Variants in VTA1 observed in about 807,000 individuals in gnomAD.
VTA1 encodes the protein vacuolar protein sorting-associated protein VTA1 homolog.
In VTA1, 24 loss-of-function variants were observed where a neutral mutation model predicts 36.9. The ratio of observed to expected loss-of-function variants is 0.65; its 90% CI spans 0.47 to 0.91. VTA1 has a LOEUF of 0.91. Among genes scored for constraint, VTA1 ranks in the 40% least tolerant of loss-of-function variants. The pLI is 0.00. For synonymous variants in VTA1, 142 were observed against 130.2 expected (o/e 1.09, Z -0.62); for missense variants, 393 against 377.2 (o/e 1.04, Z -0.35).
At chr6:142,212,507 AG>A (rs2114687192) in intron 7 of VTA1, among the ~76,000 whole-genome samples, 1 of 152,118 alleles carries the variant, frequency 6.6e-6, no homozygotes, top group Admixed American at 6.5e-5. Flanking sequence ...GCCAAGAGTT[AG>A]GGGGAGAGGG....
At chr6:142,188,533 C>T (rs531579108) in intron 4 of VTA1, among the ~76,000 whole-genome samples, 190 of 152,166 alleles carry the variant, frequency 1.2e-3, no homozygotes, top group Non-Finnish European at 1.7e-3. Flanking sequence ...AAACCACGTT[C>T]GCTCTGGAAC....
chr6:142,210,774 A>G (rs2114685473), intron 7 of VTA1, among the ~76,000 whole-genome samples: 1 of 152,330 alleles, frequency 6.6e-6, no homozygotes, highest in African/African-American at 2.4e-5. Flanking sequence ...AAATAACTAA[A>G]AATAGAAGTA....
Position 142,223,376 on chromosome 6 carries a change from G to C in VTA1, c.*4733G>C, listed in dbSNP as rs1306654141. ...GAGTCTGGGTTTCCCAGATGTGCCT[G>C]TTTTATCCTTTTTATTTTAAATAAC... On this transcript the variant is annotated 3_prime_UTR_variant, in exon 8 of 8. Transcript: ENST00000367630. 1 of 152,114 alleles carries C rather than the reference G, an allele frequency of 6.6e-6. No individual in the cohort carries two copies. The highest frequency in any genetic ancestry group is 1.5e-5 in the Non-Finnish European group (1 of 68,010). 9.4% of individuals were successfully genotyped at this position (152,114 alleles called of 1,614,324 possible). A position where few individuals can be genotyped will look rare whatever the true frequency, so the allele number is the denominator to read the frequency against.
chr6:142,162,001 A>G (rs1161563357), intron 1 of VTA1, among the ~76,000 whole-genome samples: 5 of 152,216 alleles, frequency 3.3e-5, no homozygotes, highest in Non-Finnish European at 7.4e-5. Context: ...CTTCAATTAA[A>G]GATATTACCA....
rs1405731313 is a variant in VTA1 at position 142,181,237 on chromosome 6, C to T, written c.412-8189C>T. On this transcript the variant is annotated intron_variant, in intron 4 of 7. Transcript: ENST00000367630. ...CAAGCTCCGCTTCCCGGGTTCATGCCATTCTCCTGCCTCAGCCTCCTGAGT... is the reference window on the plus strand; with the variant it reads ...CAAGCTCCGCTTCCCGGGTTCATGCTATTCTCCTGCCTCAGCCTCCTGAGT... Among the ~76,000 whole-genome samples, 30 of 146,622 alleles carry T rather than the reference C, an allele frequency of 2.0e-4. 1 individual carries two copies. Among genetic ancestry groups the T allele is most frequent in the Admixed American group, 2.0e-3 (29 of 14,716 alleles).
At chr6:142,163,663 T>C (rs1338766265) in intron 1 of VTA1, among the ~76,000 whole-genome samples, 1 of 152,100 alleles carries the variant, frequency 6.6e-6, no homozygotes, top group Admixed American at 6.6e-5. Context: ...AAAGCAGTGG[T>C]TCCACGAGAT....
At chr6:142,172,879 T>C (rs1271297481) in intron 4 of VTA1, among the ~76,000 whole-genome samples, 1 of 152,070 alleles carries the variant, frequency 6.6e-6, no homozygotes, top group African/African-American at 2.4e-5. Context: ...GTTTGTATTT[T>C]TGAGTAAAGA....
intron 1 of VTA1, among the ~76,000 whole-genome samples, chr6:142,151,791 T>C (rs1346719206): frequency 6.6e-6 from 1 of 152,190 alleles, no homozygotes; most frequent in Non-Finnish European, 1.5e-5. Context: ...CCCAGCACTT[T>C]GGGAGGCTGA....
rs1238849749 is a variant in VTA1 at position 142,198,618 on chromosome 6, G to C, written c.697+3G>C. 1.2e-6 allele frequency: 2 copies of C among 1,601,592 alleles called. No homozygotes were observed. Among genetic ancestry groups the C allele is most frequent in the Non-Finnish European group, 1.7e-6 (2 of 1,172,766 alleles). On this transcript the variant is annotated splice_donor_region_variant and intron_variant, in intron 6 of 7. Coordinates refer to ENST00000367630, the MANE Select transcript of VTA1 (RefSeq NM_016485.5). The stretch of plus-strand genomic sequence containing the variant: ...AGCAGAAGTGCCTCACAGCACAGGT[G>C]GGAAACTGTAACTGAATGATTTATT...
chr6:142,149,936 T>G (rs1409877770), intron 1 of VTA1, among the ~76,000 whole-genome samples: 1 of 152,196 alleles, frequency 6.6e-6, no homozygotes, highest in Non-Finnish European at 1.5e-5. Flanking sequence ...TTAACTTCCT[T>G]GTCTCTTGAT....
At chr6:142,170,708 C>T (rs1475864713) in intron 4 of VTA1, among the ~76,000 whole-genome samples, 1 of 152,108 alleles carries the variant, frequency 6.6e-6, no homozygotes, top group East Asian at 1.9e-4. Flanking sequence ...TCTCAGCTCA[C>T]TGCAGCCTCA....
Position 142,204,318 on chromosome 6 carries a change from A to T in VTA1, c.778+253A>T, listed in dbSNP as rs543779039. ...AGTTCTTTTTTTCATGCACTACCGG[A>T]TATTGAAGAACAAACATGGAGCCAA... On this transcript the variant is annotated intron_variant, in intron 7 of 7. Coordinates refer to ENST00000367630, the MANE Select transcript of VTA1 (RefSeq NM_016485.5). 3.3e-5 allele frequency among the ~76,000 whole-genome samples: 5 copies of T among 152,262 alleles called. No homozygotes were observed. The East Asian group carries it at 9.6e-4, about 29-fold the overall frequency.
chr6:142,150,412 G>A (rs1210845001), intron 1 of VTA1, among the ~76,000 whole-genome samples: 1 of 152,156 alleles, frequency 6.6e-6, no homozygotes, highest in Non-Finnish European at 1.5e-5. Flanking sequence ...TGTGGTCAGG[G>A]TAGCAAAGTA....
At chr6:142,169,085 C>T (rs555747928) in intron 2 of VTA1, among the ~76,000 whole-genome samples, 2 of 152,008 alleles carry the variant, frequency 1.3e-5, no homozygotes, top group South Asian at 2.1e-4. Flanking sequence ...TATTATTTTA[C>T]GACATGATGA....
chr6:142,157,973 G>A (rs1163421204), intron 1 of VTA1, among the ~76,000 whole-genome samples: 1 of 146,988 alleles, frequency 6.8e-6, no homozygotes, highest in Non-Finnish European at 1.5e-5. Flanking sequence ...GTACCTTTCA[G>A]GATATTGCTG....
intron 6 of VTA1, 36 bp from the exon 7 acceptor site, chr6:142,203,949 T>TAG (rs1157167568): frequency 6.4e-7 from 1 of 1,565,900 alleles, no homozygotes; most frequent in East Asian, 2.3e-5. Context: ...AAAGGTGTAA[T>TAG]ACTTCTATGC....
rs1471429927 is a variant in VTA1 at position 142,181,094 on chromosome 6, A to AAATATATAT, written c.412-8331_412-8330insATATATATA. Among the ~76,000 whole-genome samples the AAATATATAT allele has an allele frequency of 4.0e-3, 147 of 36,438 alleles. 4 individuals are homozygous for AAATATATAT. Among genetic ancestry groups the AAATATATAT allele is most frequent in the Non-Finnish European group, 5.2e-3 (90 of 17,188 alleles). The allele number at this position is 36,438 out of a possible 152,430, so 23.9% of individuals were successfully genotyped here. ...AATGGTACAGAAAAAAAAAAAAAAA[A>AAATATATAT]ATATATATATATATATATATATACA... On this transcript the variant is annotated intron_variant, in intron 4 of 7. Coordinates refer to ENST00000367630, the MANE Select transcript of VTA1 (RefSeq NM_016485.5).
Position 142,219,852 on chromosome 6 carries a change from A to G in VTA1, c.*1209A>G, listed in dbSNP as rs933271405. 1.3e-5 allele frequency: 2 copies of G among 152,174 alleles called. No individual in the cohort carries two copies. The highest frequency in any genetic ancestry group is 4.8e-5 in the African/African-American group (2 of 41,422). 9.4% of individuals were successfully genotyped at this position (152,174 alleles called of 1,614,324 possible). On this transcript the variant is annotated 3_prime_UTR_variant, in exon 8 of 8. Transcript: ENST00000367630. ...TGGATTGGCCACCTGTTACGTAAAT[A>G]AAGTTTCTTTGAAACAAGCCTACAC...
At chr6:142,183,712 TC>T (rs1775289195) in intron 4 of VTA1, among the ~76,000 whole-genome samples, 1 of 152,300 alleles carries the variant, frequency 6.6e-6, no homozygotes, top group Admixed American at 6.5e-5. Context: ...GTATCCAGCA[TC>T]CTTTACATCC....
Sources: gnomAD v4.1 joint callset for allele counts (sites outside exome capture counted in the v4.1 genomes callset) on GRCh38, gnomAD v4.1.1 for gene constraint, MANE v1.5 for transcripts, NCBI Gene and HGNC (gene_info 2026-07-23, HGNC 2026-07-21) for gene names.